WDR59: variants seen among roughly 807,000 people sequenced by gnomAD.
WDR59 encodes the protein GATOR2 complex protein WDR59.
In WDR59, 100 loss-of-function variants were observed where a neutral mutation model predicts 131.2. The ratio of observed to expected loss-of-function variants is 0.76; its 90% CI spans 0.65 to 0.90. The LOEUF (loss-of-function observed/expected upper bound fraction) is 0.90, where lower values mean the gene tolerates loss of function less well. Ranked by LOEUF, WDR59 falls within the 40% of genes least tolerant of loss-of-function variation. WDR59 has a pLI of 0.00. For missense variants in WDR59, 1,203 were observed against 1,262.2 expected (o/e 0.95, Z 0.71); for synonymous variants, 601 against 466.2 (o/e 1.29, Z -3.72).
In WDR59 at chr16:74,908,877, G is replaced by A. The variant is rs757190580; in HGVS notation, c.1712+31C>T. On this transcript the variant is annotated intron_variant, in intron 17 of 25. Transcript: ENST00000262144. ...TCTGGCCACTTCTGGCCCCGGGAAC[G>A]TAGAGCGGCTTCTGCATCTCCCTGA... 8.4e-5 allele frequency: 135 copies of A among 1,606,752 alleles called. 1 individual carries two copies. In the African/African-American group the frequency reaches 9.2e-4, roughly 11 times the overall value.
chr16:74,906,211 G>A (rs1427658224), intron 17 of WDR59, among the ~76,000 whole-genome samples: 5 of 150,616 alleles, frequency 3.3e-5, no homozygotes, highest in Non-Finnish European at 7.4e-5. Flanking sequence ...CTACTCGGGA[G>A]GCTGAGGCAG....
At position 74,984,977 on chromosome 16, in the gene WDR59, A is replaced by G; in HGVS notation, c.41T>C (p.Phe14Ser). 1 of 1,602,950 alleles carries G rather than the reference A, an allele frequency of 6.2e-7. No homozygotes were observed. Residue 14 changes from phenylalanine (F) to serine (S), a missense_variant, in exon 1 of 26, where the codon TTC becomes TCC. Physicochemically the swap from Phe to Ser is radical, Grantham distance 155. Transcript: ENST00000262144. ...RWSSENVVVE[F>S]RDSQATAMSV... ...CCTCTAGCTCACCTGGGAGTCACGGAACTCTACAACCACGTTTTCGCTGCT... is the reference window on the plus strand; with the variant it reads ...CCTCTAGCTCACCTGGGAGTCACGGGACTCTACAACCACGTTTTCGCTGCT...
Position 74,923,996 on chromosome 16 carries a change from T to C in WDR59, c.659A>G (p.Asp220Gly), listed in dbSNP as rs1284298023. The change falls in exon 9 of 26, where the codon GAT becomes GGT. Residue 220 changes from aspartate to glycine, a missense_variant. By Grantham distance (94) the Asp-to-Gly change is moderately conservative. Coordinates refer to ENST00000262144, the MANE Select transcript of WDR59 (RefSeq NM_030581.4). ...GAGGTATTTCCGAGGCTGGCGGTAA[T>C]CCCAGAACTAGAAGAGAGCAAGCAA... ...SSQDNSVKFW[D>G]YRQPRKYLNI... The C allele has an allele frequency of 6.2e-7, 1 of 1,613,294 alleles. No individual in the cohort carries two copies. Among genetic ancestry groups the C allele is most frequent in the Non-Finnish European group, 8.5e-7 (1 of 1,179,926 alleles).
chr16:74,926,046 A>G (rs1204745105), intron 8 of WDR59, among the ~76,000 whole-genome samples: 3 of 145,252 alleles, frequency 2.1e-5, no homozygotes, highest in Non-Finnish European at 4.5e-5. Flanking sequence ...AAAACAGTGA[A>G]AAAGTCTAAT....
At chr16:74,973,626 A>G (rs1418179109) in intron 1 of WDR59, among the ~76,000 whole-genome samples, 1 of 152,100 alleles carries the variant, frequency 6.6e-6, no homozygotes, top group African/African-American at 2.4e-5. Flanking sequence ...TACTCACTAC[A>G]CGTTACCTAT....
chr16:74,886,203 A>G lies in WDR59; in HGVS notation c.2546+67T>C. ...AAAAAAAAAAAAAGTAAGAGTTGTGATTGTGGAGAAACTGGAGTCCTGCCT... is the reference window on the plus strand; with the variant it reads ...AAAAAAAAAAAAAGTAAGAGTTGTGGTTGTGGAGAAACTGGAGTCCTGCCT... On this transcript the variant is annotated intron_variant, in intron 24 of 25. Transcript: ENST00000262144. The G allele has an allele frequency of 4.0e-6, 6 of 1,499,522 alleles. No individual in the cohort carries two copies. In the South Asian group the frequency reaches 7.3e-5, roughly 18 times the overall value. 92.9% of individuals were successfully genotyped at this position (1,499,522 alleles called of 1,614,324 possible). A position where few individuals can be genotyped will look rare whatever the true frequency, so the allele number is the denominator to read the frequency against.
chr16:74,916,858 CA>C (rs34120750), intron 11 of WDR59, among the ~76,000 whole-genome samples: 9 of 139,638 alleles, frequency 6.4e-5, no homozygotes, highest in African/African-American at 8.2e-5. Flanking sequence ...GACTCCATCT[CA>C]AAAAAAAAAA....
Position 74,984,992 on chromosome 16 carries a change from T to C in WDR59, c.26A>G (p.Asn9Ser). 1 of 1,597,928 alleles carries C rather than the reference T, an allele frequency of 6.3e-7. No individual in the cohort carries two copies. The highest frequency in any genetic ancestry group is 8.5e-7 in the Non-Finnish European group (1 of 1,172,458). The change falls in exon 1 of 26, where the codon AAC becomes AGC. Residue 9 changes from asparagine to serine, a missense_variant. By Grantham distance (46) the Asn-to-Ser change is conservative (BLOSUM62 1). Transcript: ENST00000262144. MAARWSSE[N>S]VVVEFRDSQA... Reference sequence around the variant, plus strand: ...GGAGTCACGGAACTCTACAACCACGTTTTCGCTGCTCCATCGCGCCGCCAT... The same window carrying C: ...GGAGTCACGGAACTCTACAACCACGCTTTCGCTGCTCCATCGCGCCGCCAT...
At chr16:74,977,503 A>T (rs2034235597) in intron 1 of WDR59, among the ~76,000 whole-genome samples, 2 of 151,876 alleles carry the variant, frequency 1.3e-5, no homozygotes, top group African/African-American at 4.8e-5. Flanking sequence ...CCTGACTAAC[A>T]CGGTGAAACT....
At chr16:74,959,531 G>C (rs969584967) in intron 2 of WDR59, 1 of 453,872 alleles carries the variant, frequency 2.2e-6, no homozygotes, top group South Asian at 1.6e-5. Context: ...TGCAGGCCGA[G>C]GCAGAAGCAT....
chr16:74,938,099 C>T (rs1427189434), intron 8 of WDR59, 51 bp downstream of exon 8: 1 of 1,275,992 alleles, frequency 7.8e-7, no homozygotes. Context: ...TCATACATCC[C>T]TGATGCCACC....
At chr16:74,904,321 A>C (rs1347834756) in intron 17 of WDR59, 2 of 511,204 alleles carry the variant, frequency 3.9e-6, no homozygotes, top group Non-Finnish European at 6.9e-6. Context: ...AGGAATCTAC[A>C]AACTACTAGA....
In WDR59 at chr16:74,888,170, T is replaced by C. The variant is rs773330715; in HGVS notation, c.2345A>G (p.Tyr782Cys). 7.7e-6 allele frequency: 12 copies of C among 1,566,986 alleles called. No homozygotes were observed. Among genetic ancestry groups the C allele is most frequent in the Non-Finnish European group, 6.9e-6 (8 of 1,163,010 alleles). The change falls in exon 22 of 26, where the codon TAT (tyrosine) becomes TGT (cysteine). Residue 782 changes from tyrosine (Y) to cysteine (C), a missense_variant and splice_region_variant. By Grantham distance (194) the Tyr-to-Cys change is radical. Transcript: ENST00000262144. Reference sequence around the variant, plus strand: ...AAAACCAGAAAAGGACAAACTTACATATCGACTATGGGACACCACAAGATT... The same window carrying C: ...AAAACCAGAAAAGGACAAACTTACACATCGACTATGGGACACCACAAGATT... The part of the protein sequence containing the change: ...SSNLVVSHSR[Y>C]PSFTSSGSCS...
At chr16:74,959,089 T>TAA (rs1313232018) in intron 2 of WDR59, among the ~76,000 whole-genome samples, 1 of 152,124 alleles carries the variant, frequency 6.6e-6, no homozygotes, top group African/African-American at 2.4e-5. Flanking sequence ...GAGGGTTATG[T>TAA]GCAACCCATC....
At chr16:74,897,593 GATGGATAAGAGGTGCTTT>G (rs1339406663) in intron 18 of WDR59, among the ~76,000 whole-genome samples, 2 of 152,146 alleles carry the variant, frequency 1.3e-5, no homozygotes, top group Non-Finnish European at 2.9e-5. Context: ...ATCCGTATTG[GATGGATAAGAGGTGCTTT>G]ATGAAACCTC....
intron 1 of WDR59, among the ~76,000 whole-genome samples, chr16:74,981,899 G>C (rs1437311023): frequency 7.4e-6 from 1 of 134,816 alleles, no homozygotes; most frequent in Non-Finnish European, 1.6e-5. Flanking sequence ...CAGGTGATCC[G>C]CCTACCTCGG....
chr16:74,973,517 G>A (rs890936279), intron 1 of WDR59, among the ~76,000 whole-genome samples: 4 of 151,966 alleles, frequency 2.6e-5, no homozygotes, highest in South Asian at 2.1e-4. Flanking sequence ...GAACCCCTGG[G>A]CTCAAGTGAT....
At chr16:74,925,552 A>G (rs938768383) in intron 8 of WDR59, among the ~76,000 whole-genome samples, 2 of 151,574 alleles carry the variant, frequency 1.3e-5, no homozygotes, top group Admixed American at 1.3e-4. Flanking sequence ...TCAAAAAAAA[A>G]AAAAAAAAGC....
chr16:74,896,033 C>A (rs1159610641), intron 18 of WDR59, among the ~76,000 whole-genome samples: 1 of 151,902 alleles, frequency 6.6e-6, no homozygotes, highest in Non-Finnish European at 1.5e-5. Context: ...CAGGAAACAA[C>A]ACACCCACAG....
Sources: allele counts gnomAD v4.1 joint callset (sites outside exome capture counted in the v4.1 genomes callset), GRCh38; gene constraint gnomAD v4.1.1; transcripts MANE v1.5; gene names NCBI Gene and HGNC (gene_info 2026-07-23, HGNC 2026-07-21).